Variants in CSN1S1 observed in about 807,000 individuals in gnomAD.
CSN1S1 encodes the protein alpha-S1-casein.
Under a neutral mutation model 49.1 loss-of-function variants are expected in CSN1S1, and 63 were observed. The observed-to-expected ratio is 1.28, with a 90% CI of 1.05 to 1.58. CSN1S1 has a LOEUF of 1.58. CSN1S1 is among the 40% of genes most tolerant of loss of function. The pLI, the probability that CSN1S1 is intolerant of heterozygous loss-of-function variation, is 0.00. For synonymous variants in CSN1S1, 78 were observed against 67.1 expected (o/e 1.16, Z -0.79); for missense variants, 260 against 224.7 (o/e 1.16, Z -1.01).
intron 15 of CSN1S1, among the ~76,000 whole-genome samples, chr4:69,945,369 T>C (rs115863305): frequency 6.6e-6 from 1 of 152,146 alleles, no homozygotes; most frequent in African/African-American, 2.4e-5. Flanking sequence ...ATACCTATGA[T>C]AAGTATAAAA....
intron 14 of CSN1S1, 97 bp downstream of exon 14, chr4:69,942,674 T>G (rs1723015620): frequency 8.3e-6 from 8 of 959,908 alleles, no homozygotes; most frequent in Non-Finnish European, 1.1e-5. Context: ...GAGATTTTTT[T>G]CTTCTCAAAC....
intron 12 of CSN1S1, among the ~76,000 whole-genome samples, 191 bp from the exon 13 acceptor site, chr4:69,941,855 T>G (rs1560390156): frequency 6.6e-6 from 1 of 151,872 alleles, no homozygotes; most frequent in Admixed American, 6.6e-5. Flanking sequence ...ACCATAGATA[T>G]GATATGGCTA....
intron 12 of CSN1S1, among the ~76,000 whole-genome samples, chr4:69,941,781 A>G (rs1380855404): frequency 1.3e-5 from 2 of 151,922 alleles, no homozygotes; most frequent in African/African-American, 4.8e-5. Context: ...ATTTAAACAC[A>G]TTAGTACCCC....
chr4:69,939,091 C>A (rs908109764), intron 9 of CSN1S1, 85 bp from the exon 10 acceptor site: 2 of 913,618 alleles, frequency 2.2e-6, no homozygotes, highest in East Asian at 2.5e-5. Context: ...CCATGGTAAG[C>A]ATTTCACCAT....
chr4:69,937,235 C>A, intron 8 of CSN1S1, 91 bp downstream of exon 8: 1 of 948,674 alleles, frequency 1.1e-6, no homozygotes, highest in Non-Finnish European at 1.6e-6. Context: ...TAAATAAAAA[C>A]TATGGCAGAT....
chr4:69,933,915 A>G (rs915514586), intron 2 of CSN1S1, among the ~76,000 whole-genome samples: 8 of 152,040 alleles, frequency 5.3e-5, no homozygotes, highest in Non-Finnish European at 1.0e-4. Context: ...CTGGATTCAA[A>G]CTAACCCAGA....
At chr4:69,939,029 A>G (rs1722893094) in intron 9 of CSN1S1, 147 bp from the exon 10 acceptor site, 3 of 454,610 alleles carry the variant, frequency 6.6e-6, no homozygotes, top group Non-Finnish European at 1.2e-5. Flanking sequence ...CCAAGAAAAT[A>G]CAATGTAGTA....
At chr4:69,934,335 C>T in intron 3 of CSN1S1, 91 bp downstream of exon 3, 3 of 1,276,308 alleles carry the variant, frequency 2.4e-6, no homozygotes, top group Non-Finnish European at 3.3e-6. Flanking sequence ...AAACAGCCTG[C>T]TTCACTTTTG....
In CSN1S1 at chr4:69,941,048, C is replaced by T; in HGVS notation, c.330C>T (p.Asn110=). The T allele has an allele frequency of 6.7e-7, 1 of 1,501,010 alleles. No homozygotes were observed. Among genetic ancestry groups the T allele is most frequent in the African/African-American group, 1.4e-5 (1 of 71,248 alleles). The allele number at this position is 1,501,010 out of a possible 1,614,324, so 93.0% of individuals were successfully genotyped here. ...AEQFCRLNEY[N]QLQLQAAHAQ... Reference sequence around the variant, plus strand: ...AGTTTTGTAGACTGAACGAATACAACCAACTTCAGCTGGTAATATTTTATT... The same window carrying T: ...AGTTTTGTAGACTGAACGAATACAATCAACTTCAGCTGGTAATATTTTATT... The change falls in exon 12 of 16, where the codon AAC becomes AAT. Residue 110 remains asparagine, a synonymous_variant. Coordinates refer to ENST00000246891, the MANE Select transcript of CSN1S1 (RefSeq NM_001890.2).
Position 69,931,100 on chromosome 4 carries a change from T to C in CSN1S1, c.-30T>C, listed in dbSNP as rs995342059. On this transcript the variant is annotated 5_prime_UTR_variant, in exon 1 of 16. Transcript: ENST00000246891. ...TGGTCATCAACACAACTTGCTTCTC[T>C]CCAGACTTGGGCTTAAGGTACTGCG... 6.6e-6 allele frequency: 1 copy of C among 152,062 alleles called. No homozygotes were observed. The highest frequency in any genetic ancestry group is 2.4e-5 in the African/African-American group (1 of 41,442). The allele number at this position is 152,062 out of a possible 1,614,324, so 9.4% of individuals were successfully genotyped here.
Position 69,934,097 on chromosome 4 carries a change from A to C in CSN1S1, c.52-115A>C, listed in dbSNP as rs554730574. Reference sequence around the variant, plus strand: ...CTCTGACAAATATTGCTATTAAAACACATACCTTTTGAAAATGGCAGTGTC... The same window carrying C: ...CTCTGACAAATATTGCTATTAAAACCCATACCTTTTGAAAATGGCAGTGTC... On this transcript the variant is annotated intron_variant, in intron 2 of 15. Coordinates refer to ENST00000246891, the MANE Select transcript of CSN1S1 (RefSeq NM_001890.2). 9.2e-5 allele frequency: 62 copies of C among 676,374 alleles called. 1 individual carries two copies. The South Asian group carries it at 1.4e-3, about 15-fold the overall frequency. The allele number at this position is 676,374 out of a possible 1,614,324, so 41.9% of individuals were successfully genotyped here.
At chr4:69,940,174 C>T (rs1473840074) in intron 11 of CSN1S1, 130 bp downstream of exon 11, 2 of 420,414 alleles carry the variant, frequency 4.8e-6, no homozygotes, top group African/African-American at 2.1e-5. Context: ...ATACCAATGC[C>T]ATCTGGAAAG....
intron 10 of CSN1S1, among the ~76,000 whole-genome samples, chr4:69,939,538 T>C (rs1465970778): frequency 1.3e-5 from 2 of 151,766 alleles, no homozygotes; most frequent in African/African-American, 2.4e-5. Flanking sequence ...ACCATGCTTA[T>C]AAACCCATGA....
At chr4:69,941,663 G>A (rs775538134) in intron 12 of CSN1S1, among the ~76,000 whole-genome samples, 12 of 151,750 alleles carry the variant, frequency 7.9e-5, no homozygotes, top group Admixed American at 2.6e-4. Context: ...ATTTTTAATC[G>A]TTATCAATAG....
chr4:69,932,608 TAAG>T lies in CSN1S1; in HGVS notation c.51+3_51+5del, dbSNP rs755066748. On this transcript the variant is annotated splice_donor_5th_base_variant and intron_variant, in intron 2 of 15. Coordinates refer to ENST00000246891, the MANE Select transcript of CSN1S1 (RefSeq NM_001890.2). ...GTGGCTGTTGCTCTTGCCAGGCCTG[TAAG>T]TTCAGTAGAGAATTTAGAAAGTCTT... 5 of 1,593,226 alleles carry T rather than the reference TAAG, an allele frequency of 3.1e-6. No homozygotes were observed. In the African/African-American group the frequency reaches 6.7e-5, roughly 21 times the overall value.
At chr4:69,938,064 C>A (rs544221505) in intron 9 of CSN1S1, among the ~76,000 whole-genome samples, 32 of 151,554 alleles carry the variant, frequency 2.1e-4, no homozygotes, top group Non-Finnish European at 4.4e-4. Context: ...AATTGGAAGA[C>A]GGAATTTAAG....
In CSN1S1 at chr4:69,946,268, GT is replaced by G; in HGVS notation, c.*76del. 1 of 431,754 alleles carries G rather than the reference GT, an allele frequency of 2.3e-6. No homozygotes were observed. The highest frequency in any genetic ancestry group is 4.3e-6 in the Non-Finnish European group (1 of 230,132). The allele number at this position is 431,754 out of a possible 1,614,324, so 26.7% of individuals were successfully genotyped here. On this transcript the variant is annotated 3_prime_UTR_variant, in exon 16 of 16. Transcript: ENST00000246891. ...CATCTTATCTGAAGACTGGACTGTT[GT>G]TTTAGAATAGTAAAATCCCATATTG...
rs1342622839 is a variant in CSN1S1, at chr4:69,932,568, A to C, written c.13A>C (p.Ile5Leu). Residue 5 changes from isoleucine (I) to leucine (L), a missense_variant, in exon 2 of 16, where the codon ATT becomes CTT. Ile to Leu is a conservative substitution (Grantham distance 5, BLOSUM62 2). Transcript: ENST00000246891. MRLL[I>L]LTCLVAVALA... ...GGCTCTGATAACCATGAGGCTTCTC[A>C]TTCTCACCTGTCTTGTGGCTGTTGC... The C allele has an allele frequency of 1.2e-6, 2 of 1,603,800 alleles. No homozygotes were observed. Among genetic ancestry groups the C allele is most frequent in the African/African-American group, 2.7e-5 (2 of 74,702 alleles).
chr4:69,935,907 A>C lies in CSN1S1; in HGVS notation c.106-19A>C. The C allele has an allele frequency of 6.7e-7, 1 of 1,484,276 alleles. No individual in the cohort carries two copies. Among genetic ancestry groups the C allele is most frequent in the Non-Finnish European group, 9.2e-7 (1 of 1,090,336 alleles). The allele number at this position is 1,484,276 out of a possible 1,614,324, so 91.9% of individuals were successfully genotyped here. ...AACTCAACTATGAATGAATTTTAAC[A>C]TAACTTTTTTTTTTGTAGCCTATAC... On this transcript the variant is annotated intron_variant, in intron 4 of 15. Coordinates refer to ENST00000246891, the MANE Select transcript of CSN1S1 (RefSeq NM_001890.2).
Sources: gnomAD v4.1 joint callset for allele counts (sites outside exome capture counted in the v4.1 genomes callset) on GRCh38, gnomAD v4.1.1 for gene constraint, MANE v1.5 for transcripts, NCBI Gene and HGNC (gene_info 2026-07-23, HGNC 2026-07-21) for gene names.